The following ADSS1 variants were observed in gnomAD, a reference collection of about 807,000 sequenced individuals.
The protein encoded by ADSS1 is adenylosuccinate synthetase isozyme 1.
Under a neutral mutation model 59.1 loss-of-function variants are expected in ADSS1, and 57 were observed. The observed-to-expected ratio is 0.97, with a 90% CI of 0.78 to 1.20. The LOEUF is 1.20. Ranked by LOEUF, ADSS1 falls within the 50% of genes most tolerant of loss-of-function variation. The pLI, the probability that ADSS1 is intolerant of heterozygous loss-of-function variation, is 0.00. For synonymous variants in ADSS1, 247 were observed against 249.4 expected (o/e 0.99, Z 0.09); for missense variants, 603 against 610.3 (o/e 0.99, Z 0.13).
rs1159926173 is a variant in ADSS1, at chr14:104,746,851, T to G, written c.1322-100T>G. On this transcript the variant is annotated intron_variant, in intron 12 of 12. Transcript: ENST00000330877. ...CCATTTGGAGAGAAAATAGCCCCTT[T>G]TACCATTTGAACTACACAGAAAGAT... The G allele has an allele frequency of 2.4e-6, 3 of 1,257,404 alleles. No individual in the cohort carries two copies. The African/African-American group carries it at 4.4e-5, about 19-fold the overall frequency. The allele number at this position is 1,257,404 out of a possible 1,614,324, so 77.9% of individuals were successfully genotyped here.
chr14:104,743,197 C>T lies in ADSS1; in HGVS notation c.1073+6C>T. 6.2e-7 allele frequency: 1 copy of T among 1,609,488 alleles called. No individual in the cohort carries two copies. ...ATGGTCAACGGATTCACTGCGTAAGCAACCCATGCTGCCATCCCCACTGGG... is the reference window on the plus strand; with the variant it reads ...ATGGTCAACGGATTCACTGCGTAAGTAACCCATGCTGCCATCCCCACTGGG... On this transcript the variant is annotated splice_donor_region_variant and intron_variant, in intron 10 of 12. Coordinates refer to ENST00000330877, the MANE Select transcript of ADSS1 (RefSeq NM_152328.5).
At chr14:104,724,620 G>A (rs1001477078) in intron 1 of ADSS1, among the ~76,000 whole-genome samples, 158 bp downstream of exon 1, 1 of 150,910 alleles carries the variant, frequency 6.6e-6, no homozygotes, top group Non-Finnish European at 1.5e-5. Context: ...ACCCACGCAC[G>A]CACACGCACC....
At chr14:104,741,322 C>A in intron 8 of ADSS1, 79 bp downstream of exon 8, 1 of 1,491,332 alleles carries the variant, frequency 6.7e-7, no homozygotes, top group South Asian at 1.4e-5. Flanking sequence ...CCGTGGGAAC[C>A]GATGGGGGAG....
In ADSS1 at chr14:104,746,326, A is replaced by C. The variant is rs1389558338; in HGVS notation, c.1262A>C (p.Asp421Ala). Residue 421 changes from aspartate to alanine, a missense_variant, in exon 12 of 13, where the codon GAC (aspartate) becomes GCC (alanine). Physicochemically the swap from Asp to Ala is moderately radical, Grantham distance 126. Coordinates refer to ENST00000330877, the MANE Select transcript of ADSS1 (RefSeq NM_152328.5). ...ACCACAGGCGCCAGGAGGTGGGAGG[A>C]CCTGCCCCCACAGGCCCAGAACTAC... ...ADTTGARRWE[D>A]LPPQAQNYIR... The C allele has an allele frequency of 2.5e-6, 4 of 1,613,670 alleles. No individual in the cohort carries two copies. The highest frequency in any genetic ancestry group is 2.5e-6 in the Non-Finnish European group (3 of 1,179,976).
chr14:104,732,750 G>C (rs764894402), intron 1 of ADSS1, among the ~76,000 whole-genome samples: 1 of 152,110 alleles, frequency 6.6e-6, no homozygotes, highest in Non-Finnish European at 1.5e-5. Context: ...CAAGGGATAG[G>C]CTTCCCTTCT....
chr14:104,738,384 G>A lies in ADSS1; in HGVS notation c.304G>A (p.Val102Met). ...TKAVSFIGNG[V>M]VIHLPGLFEE... ...CTCTGTCTCTCATGCAGGCAACGGGGTGGTCATCCACTTGCCAGGCTTGTT... is the reference window on the plus strand; with the variant it reads ...CTCTGTCTCTCATGCAGGCAACGGGATGGTCATCCACTTGCCAGGCTTGTT... Residue 102 changes from valine (V) to methionine (M), a missense_variant, in exon 3 of 13, where the codon GTG (valine) becomes ATG (methionine). By Grantham distance (21) the Val-to-Met change is conservative. Coordinates refer to ENST00000330877, the MANE Select transcript of ADSS1 (RefSeq NM_152328.5). The A allele has an allele frequency of 1.2e-6, 2 of 1,613,968 alleles. No individual in the cohort carries two copies. The highest frequency in any genetic ancestry group is 1.7e-6 in the Non-Finnish European group (2 of 1,179,864).
intron 1 of ADSS1, among the ~76,000 whole-genome samples, chr14:104,733,281 G>A (rs1764712353): frequency 6.6e-6 from 1 of 152,196 alleles, no homozygotes; most frequent in Admixed American, 6.5e-5. Flanking sequence ...AGCCAGGCAG[G>A]GCCAGGCAGA....
intron 12 of ADSS1, among the ~76,000 whole-genome samples, chr14:104,746,641 G>A (rs1891571660): frequency 6.6e-6 from 1 of 152,230 alleles, no homozygotes. Context: ...CCATATGAGT[G>A]TGTCATGTTT....
At chr14:104,745,092 T>G in intron 11 of ADSS1, 183 bp downstream of exon 11, 46 of 562,934 alleles carry the variant, frequency 8.2e-5, no homozygotes, top group East Asian at 2.0e-4. Flanking sequence ...CCCCACAGCG[T>G]TCCCCAGGAG....
At chr14:104,743,040 CAT>C (rs756550179) in intron 9 of ADSS1, 25 bp from the exon 10 acceptor site, 2 of 1,611,958 alleles carry the variant, frequency 1.2e-6, no homozygotes, top group Admixed American at 1.7e-5. Flanking sequence ...CGACAGCTCA[CAT>C]GACGTCCTCC....
chr14:104,730,364 C>A, intron 1 of ADSS1: 1 of 865,736 alleles, frequency 1.2e-6, no homozygotes, highest in African/African-American at 1.7e-5. Flanking sequence ...CTGGTGGGCG[C>A]CTGTAGTCCC....
chr14:104,734,633 G>A (rs1342659645), intron 1 of ADSS1, among the ~76,000 whole-genome samples: 1 of 152,226 alleles, frequency 6.6e-6, no homozygotes, highest in Non-Finnish European at 1.5e-5. Context: ...CTGCTAAAGT[G>A]GGTGAGGGCA....
At chr14:104,724,601 G>A in intron 1 of ADSS1, 139 bp downstream of exon 1, 1 of 1,151,066 alleles carries the variant, frequency 8.7e-7, no homozygotes, top group Non-Finnish European at 1.1e-6. Flanking sequence ...CCTTTCCCAG[G>A]GCCACCCCAC....
chr14:104,728,272 G>C (rs1317025554), intron 1 of ADSS1, among the ~76,000 whole-genome samples: 1 of 152,126 alleles, frequency 6.6e-6, no homozygotes, highest in Admixed American at 6.5e-5. Flanking sequence ...GTTGCTTCCA[G>C]AAAGAGGTCT....
intron 11 of ADSS1, 43 bp from the exon 12 acceptor site, chr14:104,746,193 G>A (rs578052932): frequency 6.4e-7 from 1 of 1,564,462 alleles, no homozygotes; most frequent in South Asian, 1.2e-5. Flanking sequence ...CCTGGTGATA[G>A]GAGGTCTGTG....
intron 1 of ADSS1, among the ~76,000 whole-genome samples, chr14:104,730,809 A>G (rs1417069631): frequency 6.6e-6 from 1 of 152,014 alleles, no homozygotes; most frequent in Non-Finnish European, 1.5e-5. Flanking sequence ...CCGCAGGGAC[A>G]AAGCAGGGGT....
At chr14:104,736,332 T>C (rs1327471656) in intron 2 of ADSS1, among the ~76,000 whole-genome samples, 1 of 152,194 alleles carries the variant, frequency 6.6e-6, no homozygotes, top group Non-Finnish European at 1.5e-5. Flanking sequence ...CAGGAAGCCC[T>C]TCTCCAGCCG....
chr14:104,741,058 C>G, intron 7 of ADSS1, 59 bp from the exon 8 acceptor site: 1 of 1,583,478 alleles, frequency 6.3e-7, no homozygotes, highest in Non-Finnish European at 8.6e-7. Context: ...CTTCTTGGGA[C>G]GCAGGCCTCC....
Position 104,724,444 on chromosome 14 carries a change from C to T in ADSS1, c.174C>T (p.Asp58=), listed in dbSNP as rs373076198. The change falls in exon 1 of 13, where the codon GAC becomes GAT. Residue 58 remains aspartate (D), a synonymous_variant. Transcript: ENST00000330877. ...TGGACCTGCTGGCCACGGACGCCGA[C>T]ATCATCAGCCGCTGCCAGGTGCGGG... ...KVVDLLATDA[D]IISRCQGGNN... is the part of the protein sequence containing the mutation. 3.4e-5 allele frequency: 43 copies of T among 1,255,392 alleles called. No homozygotes were observed. The highest frequency in any genetic ancestry group is 4.0e-5 in the Non-Finnish European group (40 of 995,570). 77.8% of individuals were successfully genotyped at this position (1,255,392 alleles called of 1,614,324 possible).
Sources: gnomAD v4.1 joint callset for allele counts (sites outside exome capture counted in the v4.1 genomes callset) on GRCh38, gnomAD v4.1.1 for gene constraint, MANE v1.5 for transcripts, NCBI Gene and HGNC (gene_info 2026-07-23, HGNC 2026-07-21) for gene names.